RAB11FIP4: variants seen among roughly 807,000 people sequenced by gnomAD.
RAB11FIP4 encodes the protein rab11 family-interacting protein 4.
In RAB11FIP4, 23 loss-of-function variants were observed where a neutral mutation model predicts 74.3. The observed-to-expected ratio is 0.31, with a 90% CI of 0.22 to 0.44. RAB11FIP4 has a LOEUF of 0.44. Ranked by LOEUF, RAB11FIP4 falls within the 20% of genes least tolerant of loss-of-function variation. The pLI is 1.00. For missense variants in RAB11FIP4, 630 were observed against 863.9 expected (o/e 0.73, Z 3.39); for synonymous variants, 360 against 359.9 (o/e 1.00, Z 0.00).
intron 3 of RAB11FIP4, among the ~76,000 whole-genome samples, chr17:31,484,157 A>C (rs1239611878): frequency 7.1e-6 from 1 of 141,098 alleles, no homozygotes; most frequent in Admixed American, 7.5e-5. Flanking sequence ...TGCAACCTCC[A>C]CCTCTCAGGT....
At chr17:31,466,020 G>A (rs930137562) in intron 3 of RAB11FIP4, among the ~76,000 whole-genome samples, 43 of 95,116 alleles carry the variant, frequency 4.5e-4, no homozygotes, top group Middle Eastern at 4.9e-3. Context: ...GCACGCGCCT[G>A]TAAGTCCCAG....
chr17:31,423,696 G>A (rs919865578), intron 1 of RAB11FIP4, among the ~76,000 whole-genome samples: 14 of 152,172 alleles, frequency 9.2e-5, no homozygotes, highest in African/African-American at 3.4e-4. Context: ...AGTCTACACT[G>A]TAGTTCAGTT....
rs1247949762 is a variant in RAB11FIP4, at chr17:31,438,308, C to G, written c.336+4186C>G. Among the ~76,000 whole-genome samples the G allele has an allele frequency of 2.0e-5, 3 of 152,178 alleles. No individual in the cohort carries two copies. In the East Asian group the frequency reaches 5.8e-4, roughly 29 times the overall value. ...CCCTCAGCAGGCAGTAATGTGAACCCTAATCCTACAAGTGCTGTAAGGCCC... is the reference window on the plus strand; with the variant it reads ...CCCTCAGCAGGCAGTAATGTGAACCGTAATCCTACAAGTGCTGTAAGGCCC... On this transcript the variant is annotated intron_variant, in intron 3 of 14. Transcript: ENST00000621161.
At chr17:31,522,072 G>T (rs754474699) in intron 6 of RAB11FIP4, 23 bp downstream of exon 6, 1 of 1,613,768 alleles carries the variant, frequency 6.2e-7, no homozygotes, top group South Asian at 1.1e-5. Flanking sequence ...CCCAGCTGGG[G>T]GGTGAGAGGC....
In RAB11FIP4 at chr17:31,524,844, C is replaced by T. The variant is rs187114895; in HGVS notation, c.1134-246C>T. 120 of 584,744 alleles carry T rather than the reference C, an allele frequency of 2.1e-4. 1 individual carries two copies. Among genetic ancestry groups the T allele is most frequent in the African/African-American group, 1.9e-3 (99 of 53,358 alleles). The allele number at this position is 584,744 out of a possible 1,614,324, so 36.2% of individuals were successfully genotyped here. A position where few individuals can be genotyped will look rare whatever the true frequency, so the allele number is the denominator to read the frequency against. On this transcript the variant is annotated intron_variant, in intron 9 of 14. Coordinates refer to ENST00000621161, the MANE Select transcript of RAB11FIP4 (RefSeq NM_032932.6). ...CTGCAGGGACTGGTGGGGGCGGTCC[C>T]TCCCTGTGCTGCCCTGAGCGCCCCA...
chr17:31,443,322 C>T (rs946252605), intron 3 of RAB11FIP4, among the ~76,000 whole-genome samples: 1 of 152,154 alleles, frequency 6.6e-6, no homozygotes, highest in African/African-American at 2.4e-5. Flanking sequence ...TTATTTTTAA[C>T]TTTGTTCATG....
chr17:31,464,547 G>C (rs2071665604), intron 3 of RAB11FIP4, among the ~76,000 whole-genome samples: 1 of 151,938 alleles, frequency 6.6e-6, no homozygotes, highest in Non-Finnish European at 1.5e-5. Context: ...CACCTCCCAG[G>C]TTCAAGCGAT....
chr17:31,458,766 G>A (rs72815672), intron 3 of RAB11FIP4, among the ~76,000 whole-genome samples: 20,810 of 152,270 alleles, frequency 0.14, 1,578 homozygotes, highest in South Asian at 0.18. Context: ...CATTAGTGAA[G>A]AATGGACTGG....
intron 3 of RAB11FIP4, among the ~76,000 whole-genome samples, chr17:31,437,041 C>T (rs114554931): frequency 0.016 from 2,439 of 152,112 alleles, 75 homozygotes; most frequent in African/African-American, 0.056. Context: ...CCACCCGCCT[C>T]GGCCTCCCAA....
At chr17:31,425,690 C>T (rs1351225398) in intron 1 of RAB11FIP4, among the ~76,000 whole-genome samples, 1 of 152,216 alleles carries the variant, frequency 6.6e-6, no homozygotes, top group Non-Finnish European at 1.5e-5. Flanking sequence ...AGTGAACAAC[C>T]AATTTCCCTG....
intron 3 of RAB11FIP4, among the ~76,000 whole-genome samples, chr17:31,505,434 T>C (rs377596385): frequency 1.6e-5 from 1 of 61,740 alleles, no homozygotes; most frequent in Admixed American, 2.4e-4. Flanking sequence ...AATATATAAT[T>C]ATTATATAAT....
chr17:31,522,351 T>C lies in RAB11FIP4; in HGVS notation c.894-9T>C. On this transcript the variant is annotated splice_polypyrimidine_tract_variant and intron_variant, in intron 6 of 14. Coordinates refer to ENST00000621161, the MANE Select transcript of RAB11FIP4 (RefSeq NM_032932.6). ...CTCTGTTCAATGACTGTTTCCTTTC[T>C]CTCTCTAGCCCCAACCGAAAGATCT... 2.5e-6 allele frequency: 4 copies of C among 1,613,746 alleles called. No individual in the cohort carries two copies. The highest frequency in any genetic ancestry group is 3.4e-6 in the Non-Finnish European group (4 of 1,179,782).
At chr17:31,453,312 C>T (rs1024480023) in intron 3 of RAB11FIP4, among the ~76,000 whole-genome samples, 1 of 140,004 alleles carries the variant, frequency 7.1e-6, no homozygotes, top group African/African-American at 2.7e-5. Flanking sequence ...TATATTATCA[C>T]ACGACTGCAC....
chr17:31,517,203 C>CGGGGGGGGGGGGGGGGGGGGGGGGG (rs2072572338), intron 3 of RAB11FIP4, among the ~76,000 whole-genome samples: 1 of 8,236 alleles, frequency 1.2e-4, no homozygotes. Context: ...GGGGGGGGGG[C>CGGGGGGGGGGGGGGGGGGGGGGGGG]GGTGGGGGGG....
chr17:31,524,993 G>T lies in RAB11FIP4; in HGVS notation c.1134-97G>T. 3 of 1,454,900 alleles carry T rather than the reference G, an allele frequency of 2.1e-6. No individual in the cohort carries two copies. The South Asian group carries it at 3.7e-5, about 18-fold the overall frequency. 90.1% of individuals were successfully genotyped at this position (1,454,900 alleles called of 1,614,324 possible). ...ACACGCCCTCAGTGGACATGCCAGT[G>T]ACTCAGGGTCTCGGGGCCCAGGGTC... On this transcript the variant is annotated intron_variant, in intron 9 of 14. Transcript: ENST00000621161.
At chr17:31,466,646 C>T (rs935195597) in intron 3 of RAB11FIP4, among the ~76,000 whole-genome samples, 2 of 152,154 alleles carry the variant, frequency 1.3e-5, no homozygotes, top group African/African-American at 2.4e-5. Context: ...ACCGTGGCTC[C>T]GCTGGTAGAT....
chr17:31,528,721 G>T lies in RAB11FIP4; in HGVS notation c.1596G>T (p.Glu532Asp). 1.2e-6 allele frequency: 2 copies of T among 1,612,192 alleles called. No individual in the cohort carries two copies. Among genetic ancestry groups the T allele is most frequent in the African/African-American group, 2.7e-5 (2 of 75,050 alleles). The change falls in exon 13 of 15, where the codon GAG (glutamate) becomes GAT (aspartate). Residue 532 changes from glutamate to aspartate, a missense_variant. Physicochemically the swap from Glu to Asp is conservative, Grantham distance 45. Coordinates refer to ENST00000621161, the MANE Select transcript of RAB11FIP4 (RefSeq NM_032932.6). ...GCAGTGCCTCCTCTGGCCTAGGCGA[G>T]TTCAATGCCAGGGCCCGCGAGGTGG... ...RGRSASSGLG[E>D]FNARAREVEL...
chr17:31,395,258 A>G (rs887389265), intron 1 of RAB11FIP4, among the ~76,000 whole-genome samples: 3 of 152,236 alleles, frequency 2.0e-5, no homozygotes, highest in African/African-American at 7.2e-5. Flanking sequence ...TAATAAATAA[A>G]TAGGAAAATC....
At chr17:31,516,909 T>C (rs1411625506) in intron 3 of RAB11FIP4, among the ~76,000 whole-genome samples, 3 of 152,032 alleles carry the variant, frequency 2.0e-5, no homozygotes, top group Admixed American at 6.6e-5. Flanking sequence ...CCTATGTAAA[T>C]GAAGTAGTGG....
Sources: gnomAD v4.1 joint callset for allele counts (sites outside exome capture counted in the v4.1 genomes callset) on GRCh38, gnomAD v4.1.1 for gene constraint, MANE v1.5 for transcripts, NCBI Gene and HGNC (gene_info 2026-07-23, HGNC 2026-07-21) for gene names.